The following DPP6 variants were observed in gnomAD, a reference collection of about 807,000 sequenced individuals.
DPP6 encodes dipeptidyl peptidase like 6, also known as A-type potassium channel modulatory protein DPP6.
DPP6 carries 69 observed loss-of-function variants against 122.6 expected under a neutral mutation model. The ratio of observed to expected loss-of-function variants is 0.56; its 90% confidence interval spans 0.46 to 0.69. The LOEUF (loss-of-function observed/expected upper bound fraction) is 0.69, where lower values mean the gene tolerates loss of function less well. Ranked by LOEUF, DPP6 falls within the 30% of genes least tolerant of loss-of-function variation. DPP6 has a pLI of 0.00. For missense variants in DPP6, 928 were observed against 1,116.9 expected, an observed-to-expected ratio of 0.83 and a Z score of 2.41; for synonymous variants, 418 against 433.1, an observed-to-expected ratio of 0.97 and a Z score of 0.43.
chr7:153,836,484 A>T, the DPP6 span, among the ~76,000 whole-genome samples: 1 of 152,236 alleles, frequency 6.6e-6, no homozygotes, highest in African/African-American at 2.4e-5. Flanking sequence ...CTATGCCTCC[A>T]TAAAGGACAT....
At chr7:154,541,154 G>A (rs927309944) in intron 4 of DPP6, among the ~76,000 whole-genome samples, 2 of 152,192 alleles carry the variant, frequency 1.3e-5, no homozygotes, top group Non-Finnish European at 2.9e-5. Flanking sequence ...TTTTGAGACA[G>A]GATCTCACTC....
intron 6 of DPP6, among the ~76,000 whole-genome samples, chr7:154,658,204 T>C (rs940304767): frequency 2.0e-5 from 3 of 152,362 alleles, no homozygotes; most frequent in South Asian, 2.1e-4. Context: ...GTTTCAATAT[T>C]GGTTTATCAA....
intron 1 of DPP6, among the ~76,000 whole-genome samples, chr7:153,906,119 T>G (rs756239515): frequency 1.3e-5 from 2 of 152,204 alleles, no homozygotes; most frequent in Non-Finnish European, 1.5e-5. Context: ...AGAGATATAT[T>G]GTAGGTTTCT....
the DPP6 span, among the ~76,000 whole-genome samples, chr7:153,789,687 GA>G: frequency 9.1e-4 from 138 of 152,270 alleles, no homozygotes; most frequent in African/African-American, 3.2e-3. Flanking sequence ...TCACACCTTA[GA>G]AAATTATAAA....
At chr7:154,776,774 T>A (rs1796601503) in intron 10 of DPP6, among the ~76,000 whole-genome samples, 1 of 152,160 alleles carries the variant, frequency 6.6e-6, no homozygotes, top group Admixed American at 6.5e-5. Flanking sequence ...TGACATCTTG[T>A]CCTCTCAAGC....
intron 3 of DPP6, among the ~76,000 whole-genome samples, chr7:154,510,135 T>C (rs1357673010): frequency 6.6e-6 from 1 of 152,084 alleles, no homozygotes; most frequent in Non-Finnish European, 1.5e-5. Flanking sequence ...AGGTAATATA[T>C]GCATTATTGT....
intron 1 of DPP6, among the ~76,000 whole-genome samples, chr7:154,440,869 C>T (rs1015103527): frequency 2.0e-5 from 3 of 152,162 alleles, no homozygotes; most frequent in Non-Finnish European, 2.9e-5. Flanking sequence ...CAGCTGTCCC[C>T]GGGGTCCCTG....
chr7:154,286,689 C>A (rs185901902), intron 1 of DPP6, among the ~76,000 whole-genome samples: 1 of 152,124 alleles, frequency 6.6e-6, no homozygotes, highest in African/African-American at 2.4e-5. Flanking sequence ...CTGTCCAGCC[C>A]TCTCCATAGT....
intron 1 of DPP6, among the ~76,000 whole-genome samples, chr7:154,428,530 A>G (rs1232177400): frequency 1.3e-5 from 2 of 152,216 alleles, no homozygotes; most frequent in Non-Finnish European, 2.9e-5. Flanking sequence ...TCGTTATATC[A>G]AAAACACACC....
At chr7:154,787,515 G>A (rs901416202) in intron 10 of DPP6, among the ~76,000 whole-genome samples, 1 of 152,100 alleles carries the variant, frequency 6.6e-6, no homozygotes. Context: ...CTTATTATTA[G>A]CAACTTTAAA....
At chr7:154,037,225 C>A (rs1232074262) in intron 1 of DPP6, among the ~76,000 whole-genome samples, 2 of 152,142 alleles carry the variant, frequency 1.3e-5, no homozygotes, top group Non-Finnish European at 2.9e-5. Flanking sequence ...CCAGCTTTGA[C>A]CCTGCGAGGC....
intron 1 of DPP6, among the ~76,000 whole-genome samples, chr7:154,167,308 C>T (rs1381499599): frequency 6.6e-6 from 1 of 152,176 alleles, no homozygotes; most frequent in East Asian, 1.9e-4. Context: ...GGCTTCAGAG[C>T]TTAGCCAGTA....
intron 1 of DPP6, among the ~76,000 whole-genome samples, chr7:154,276,223 G>GA (rs1332114874): frequency 6.6e-6 from 1 of 151,996 alleles, no homozygotes; most frequent in Non-Finnish European, 1.5e-5. Flanking sequence ...TCCCATTTTA[G>GA]AAAAAAAGCC....
In DPP6 at chr7:154,613,084, A is replaced by G. The variant is rs146549288; in HGVS notation, c.628-24737A>G. ...CTCTCGTTACTATAATGAGGGCACT[A>G]ATCTCATTCATGAGAGCTCTGCCCT... is the stretch of plus-strand genomic sequence containing the variant. On this transcript the variant is annotated intron_variant, in intron 5 of 25. Coordinates refer to ENST00000377770, the MANE Select transcript of DPP6 (RefSeq NM_130797.4). Among the ~76,000 whole-genome samples, 1,318 of 152,238 alleles carry G rather than the reference A, an allele frequency of 8.7e-3. 24 individuals are homozygous for G. Among genetic ancestry groups the G allele is most frequent in the African/African-American group, 0.03 (1,264 of 41,536 alleles).
chr7:153,872,638 T>C, the DPP6 span, among the ~76,000 whole-genome samples: 1 of 152,212 alleles, frequency 6.6e-6, no homozygotes, highest in South Asian at 2.1e-4. Context: ...CATTTACTCA[T>C]TTATACAGCA....
intron 3 of DPP6, among the ~76,000 whole-genome samples, chr7:154,493,429 G>A (rs939714142): frequency 1.3e-5 from 2 of 152,148 alleles, no homozygotes; most frequent in African/African-American, 4.8e-5. Context: ...GCCTCACAGG[G>A]AGATTTTATT....
chr7:153,826,629 A>G, the DPP6 span, among the ~76,000 whole-genome samples: 1 of 152,206 alleles, frequency 6.6e-6, no homozygotes, highest in African/African-American at 2.4e-5. Context: ...TTTGGGTTCT[A>G]CATTTGTCTA....
intron 2 of DPP6, 138 bp downstream of exon 2, chr7:154,446,466 A>G (rs1819881549): frequency 1.9e-6 from 1 of 513,376 alleles, no homozygotes; most frequent in Non-Finnish European, 3.3e-6. Flanking sequence ...GCCATATGAT[A>G]TAATATGGTT....
At chr7:153,883,390 CTT>C (rs11399982), upstream of DPP6, among the ~76,000 whole-genome samples, 1 of 150,754 alleles carries the variant, frequency 6.6e-6, no homozygotes, top group East Asian at 2.0e-4. Context: ...TTTTTTTGTT[CTT>C]TTTTTTTGAG....
Sources: gnomAD v4.1 joint callset for allele counts (sites outside exome capture counted in the v4.1 genomes callset) on GRCh38, gnomAD v4.1.1 for gene constraint, MANE v1.5 for transcripts, NCBI Gene and HGNC (gene_info 2026-07-23, HGNC 2026-07-21) for gene names.